Variants in GALNT17 observed in about 807,000 individuals in gnomAD.
The protein encoded by GALNT17 is polypeptide N-acetylgalactosaminyltransferase 17, also known as UDP-GalNAc:polypeptide N-acetylgalactosaminyltransferase-like 3.
A neutral mutation model predicts 63.7 loss-of-function variants in GALNT17; 29 were observed. That is an observed-to-expected ratio of 0.46 (90% CI 0.34 to 0.62). The LOEUF (loss-of-function observed/expected upper bound fraction) is 0.62, where lower values mean the gene tolerates loss of function less well. GALNT17 is among the 20% of genes least tolerant of loss of function. The pLI is 0.01. For synonymous variants in GALNT17, 305 were observed against 318.3 expected, an observed-to-expected ratio of 0.96 and a Z score of 0.45; for missense variants, 603 against 799.6, an observed-to-expected ratio of 0.75 and a Z score of 2.97.
rs150213742 is a variant in GALNT17, at chr7:71,354,852, G to C, written c.422+19119G>C. Among the ~76,000 whole-genome samples the C allele has an allele frequency of 3.8e-3, 573 of 152,174 alleles. 5 individuals are homozygous for C. The highest frequency in any genetic ancestry group is 5.2e-3 in the Non-Finnish European group (354 of 67,972). ...GTTTTTTATGGGGTAGTTTCTTGAT[G>C]GTTTTTGCAATTTTTTTCCTGAGGA... On this transcript the variant is annotated intron_variant, in intron 2 of 10. Transcript: ENST00000333538.
intron 5 of GALNT17, among the ~76,000 whole-genome samples, chr7:71,539,091 C>T (rs1189024983): frequency 6.6e-6 from 1 of 152,142 alleles, no homozygotes; most frequent in Admixed American, 6.5e-5. Context: ...CCACCGTGCT[C>T]AACTAATTTT....
chr7:71,264,550 A>G (rs1471748301), intron 1 of GALNT17, among the ~76,000 whole-genome samples: 4 of 152,338 alleles, frequency 2.6e-5, no homozygotes, highest in East Asian at 3.9e-4. Context: ...AGCAGTATTC[A>G]TAATAGCAAA....
At chr7:71,560,496 C>T (rs1044441418) in intron 5 of GALNT17, among the ~76,000 whole-genome samples, 3 of 152,106 alleles carry the variant, frequency 2.0e-5, no homozygotes, top group Non-Finnish European at 4.4e-5. Flanking sequence ...CAGTGTCTCC[C>T]GTGGGAAAGT....
At position 71,193,068 on chromosome 7, in the gene GALNT17, TTTATTTATTTA is replaced by T. The variant is rs1788982704; in HGVS notation, c.238+60031_238+60041del. Among the ~76,000 whole-genome samples, 3 of 10,646 alleles carry T rather than the reference TTTATTTATTTA, an allele frequency of 2.8e-4. No individual in the cohort carries two copies. The African/African-American group carries it at 2.9e-3, about 10-fold the overall frequency. The allele number at this position is 10,646 out of a possible 152,430, so 7.0% of individuals were successfully genotyped here. Reference sequence around the variant, plus strand: ...CTTGGTCTTTAACCATCATCTACCATTTATTTATTTATTTATTTATTTATTTATTTATTTAT... The same window carrying T: ...CTTGGTCTTTAACCATCATCTACCATTTTATTTATTTATTTATTTATTTAT... On this transcript the variant is annotated intron_variant, in intron 1 of 10. Coordinates refer to ENST00000333538, the MANE Select transcript of GALNT17 (RefSeq NM_022479.3).
chr7:71,549,312 T>C (rs533643208), intron 5 of GALNT17, among the ~76,000 whole-genome samples: 1 of 152,278 alleles, frequency 6.6e-6, no homozygotes, highest in East Asian at 1.9e-4. Context: ...CATTCCTGTA[T>C]TCCTAGCACT....
chr7:71,572,361 G>A (rs1789457916), intron 6 of GALNT17, among the ~76,000 whole-genome samples: 1 of 151,068 alleles, frequency 6.6e-6, no homozygotes, highest in South Asian at 2.1e-4. Context: ...AATTAGCCAG[G>A]TGTGATTGTG....
At chr7:71,560,747 T>C (rs1051640265) in intron 5 of GALNT17, among the ~76,000 whole-genome samples, 2 of 152,114 alleles carry the variant, frequency 1.3e-5, no homozygotes, top group Non-Finnish European at 2.9e-5. Flanking sequence ...TAGGTGACCA[T>C]ATAGGGTTTA....
At chr7:71,260,512 G>A (rs1283324755) in intron 1 of GALNT17, among the ~76,000 whole-genome samples, 1 of 152,098 alleles carries the variant, frequency 6.6e-6, no homozygotes, top group African/African-American at 2.4e-5. Context: ...CATTCTCCTA[G>A]AAATATTCTA....
At chr7:71,142,189 A>G (rs1219043727) in intron 1 of GALNT17, among the ~76,000 whole-genome samples, 2 of 152,124 alleles carry the variant, frequency 1.3e-5, no homozygotes, top group African/African-American at 2.4e-5. Flanking sequence ...TATTTCTTGA[A>G]TGGATGCATG....
intron 6 of GALNT17, among the ~76,000 whole-genome samples, chr7:71,653,045 CTTGCTCTG>C (rs370149980): frequency 6.2e-4 from 95 of 152,232 alleles, no homozygotes; most frequent in African/African-American, 2.1e-3. Context: ...TTGACAGAGT[CTTGCTCTG>C]TTGCCAGGCT....
At chr7:71,441,183 C>T (rs577090572) in intron 5 of GALNT17, among the ~76,000 whole-genome samples, 27 of 152,082 alleles carry the variant, frequency 1.8e-4, no homozygotes, top group African/African-American at 5.1e-4. Flanking sequence ...CCACCACGCC[C>T]GGCTGATTTT....
intron 6 of GALNT17, among the ~76,000 whole-genome samples, chr7:71,624,961 A>C (rs915475494): frequency 2.0e-5 from 3 of 152,128 alleles, no homozygotes; most frequent in African/African-American, 7.2e-5. Context: ...ACTCCACTGT[A>C]CGCTTGTAAG....
intron 9 of GALNT17, among the ~76,000 whole-genome samples, chr7:71,709,734 GA>G (rs1181814634): frequency 6.6e-6 from 1 of 152,070 alleles, no homozygotes; most frequent in Non-Finnish European, 1.5e-5. Context: ...GAATAGCTTG[GA>G]TTATAGTTGC....
chr7:71,600,467 T>C (rs1036806925), intron 6 of GALNT17, among the ~76,000 whole-genome samples: 2 of 152,114 alleles, frequency 1.3e-5, no homozygotes, highest in Non-Finnish European at 2.9e-5. Flanking sequence ...GACACCTAAC[T>C]GTAATCATTC....
At chr7:71,530,699 C>T (rs1045888018) in intron 5 of GALNT17, among the ~76,000 whole-genome samples, 1 of 152,114 alleles carries the variant, frequency 6.6e-6, no homozygotes, top group Non-Finnish European at 1.5e-5. Context: ...TCCCAAATAG[C>T]TGGGACTACA....
chr7:71,636,359 C>T (rs952869523), intron 6 of GALNT17, among the ~76,000 whole-genome samples: 1 of 152,028 alleles, frequency 6.6e-6, no homozygotes, highest in Non-Finnish European at 1.5e-5. Context: ...TGGGAAGAGG[C>T]AGTGGGGACA....
Position 71,662,332 on chromosome 7 carries a change from A to ATCTATCTATCTG in GALNT17, c.1081-3076_1081-3075insATCTATCTGTCT, listed in dbSNP as rs147810329. ...CATCTCTCTGTTTATCTATCTATCT[A>ATCTATCTATCTG]TCTGTCTGTCTGTCTGTCTGTCTAT... is the stretch of plus-strand genomic sequence containing the variant. On this transcript the variant is annotated intron_variant, in intron 6 of 10. Transcript: ENST00000333538. Among the ~76,000 whole-genome samples the ATCTATCTATCTG allele has an allele frequency of 8.4e-3, 1,276 of 151,220 alleles. 7 individuals are homozygous for ATCTATCTATCTG. Among genetic ancestry groups the ATCTATCTATCTG allele is most frequent in the Non-Finnish European group, 0.013 (900 of 67,740 alleles).
chr7:71,308,744 GTTTT>G (rs760443992), intron 1 of GALNT17, among the ~76,000 whole-genome samples: 38 of 138,782 alleles, frequency 2.7e-4, no homozygotes, highest in African/African-American at 8.7e-4. Flanking sequence ...TTTCTCTTTA[GTTTT>G]TTTTTTTTTT....
intron 5 of GALNT17, among the ~76,000 whole-genome samples, chr7:71,489,495 A>G (rs575793719): frequency 6.6e-6 from 1 of 152,340 alleles, no homozygotes; most frequent in South Asian, 2.1e-4. Context: ...AGAGGATAAG[A>G]AAGCTATCAC....
Sources: allele counts gnomAD v4.1 joint callset (sites outside exome capture counted in the v4.1 genomes callset), GRCh38; gene constraint gnomAD v4.1.1; transcripts MANE v1.5; gene names NCBI Gene and HGNC (gene_info 2026-07-23, HGNC 2026-07-21).